Variants in P4HA3 observed in about 807,000 individuals in gnomAD.
P4HA3 encodes prolyl 4-hydroxylase subunit alpha 3.
In P4HA3, 60 loss-of-function variants were observed where a neutral mutation model predicts 66.7. The ratio of observed to expected loss-of-function variants is 0.90; its 90% CI spans 0.73 to 1.12. The LOEUF (loss-of-function observed/expected upper bound fraction) is 1.12. P4HA3 is among the 50% of genes most tolerant of loss of function. The pLI is 0.00. For synonymous variants in P4HA3, 263 were observed against 274.6 expected (o/e 0.96, Z 0.42); for missense variants, 683 against 685.8 (o/e 1.00, Z 0.05).
chr11:74,292,081 T>C (rs1457391860), intron 4 of P4HA3, among the ~76,000 whole-genome samples: 2 of 123,422 alleles, frequency 1.6e-5, no homozygotes, highest in East Asian at 2.3e-4. Context: ...GTCCTGGACT[T>C]TTTTTGGTTG....
Position 74,302,553 on chromosome 11 carries a change from G to A in P4HA3, c.383C>T (p.Pro128Leu), listed in dbSNP as rs1338730428. The stretch of plus-strand genomic sequence containing the variant: ...TGCTCCCTCAAGGTCCTCAAAGGCT[G>A]GAAGGTCTTGCTCCACCTTCTCATA... ...DGYEKVEQDL[P>L]AFEDLEGAAR... The change falls in exon 3 of 13, where the codon CCA (proline) becomes CTA (leucine). Residue 128 changes from proline (P) to leucine (L), a missense_variant. Coordinates refer to ENST00000331597, the MANE Select transcript of P4HA3 (RefSeq NM_182904.5). 1.9e-6 allele frequency: 3 copies of A among 1,614,076 alleles called. No individual in the cohort carries two copies. The highest frequency in any genetic ancestry group is 2.5e-6 in the Non-Finnish European group (3 of 1,180,042).
intron 3 of P4HA3, among the ~76,000 whole-genome samples, chr11:74,302,130 C>A (rs1384398330): frequency 6.6e-6 from 1 of 152,096 alleles, no homozygotes; most frequent in Non-Finnish European, 1.5e-5. Flanking sequence ...ATGGAAAGGG[C>A]CTGAGATTTG....
intron 10 of P4HA3, among the ~76,000 whole-genome samples, chr11:74,273,216 C>T (rs1042720190): frequency 6.6e-6 from 1 of 152,172 alleles, no homozygotes; most frequent in African/African-American, 2.4e-5. Context: ...CTCAAGGACA[C>T]AGATTCTCAG....
At chr11:74,295,742 C>T (rs531353336) in intron 4 of P4HA3, among the ~76,000 whole-genome samples, 33 of 152,254 alleles carry the variant, frequency 2.2e-4, no homozygotes, top group Admixed American at 2.0e-3. Context: ...AGAAGATAGG[C>T]CACAGAGAAC....
intron 9 of P4HA3, among the ~76,000 whole-genome samples, chr11:74,276,513 C>T (rs559504729): frequency 7.2e-5 from 11 of 152,150 alleles, no homozygotes; most frequent in African/African-American, 2.4e-4. Flanking sequence ...GATGGTGCCA[C>T]TACACTGCAG....
intron 1 of P4HA3, among the ~76,000 whole-genome samples, chr11:74,308,018 A>T (rs1276591262): frequency 2.0e-5 from 3 of 152,192 alleles, no homozygotes; most frequent in African/African-American, 7.2e-5. Flanking sequence ...TATATGTACC[A>T]TACTGGCATA....
At chr11:74,261,005 C>T (rs769113564) in intron 14 of P4HA3, among the ~76,000 whole-genome samples, 5 of 152,244 alleles carry the variant, frequency 3.3e-5, no homozygotes, top group Non-Finnish European at 7.3e-5. Flanking sequence ...CACGTGGCCA[C>T]AGACCTGCCT....
chr11:74,287,006 A>G, intron 5 of P4HA3: 1 of 804,886 alleles, frequency 1.2e-6, no homozygotes, highest in Non-Finnish European at 1.5e-6. Context: ...ACTGGCCTAG[A>G]CCCAGAGCAA....
intron 7 of P4HA3, among the ~76,000 whole-genome samples, chr11:74,280,983 C>T (rs1333298804): frequency 6.6e-6 from 1 of 151,994 alleles, no homozygotes; most frequent in Non-Finnish European, 1.5e-5. Context: ...ACTCATCTGA[C>T]AAAGGGCTAA....
intron 15 of P4HA3, chr11:74,251,187 G>A (rs778696385): frequency 6.9e-6 from 10 of 1,455,452 alleles, no homozygotes; most frequent in Non-Finnish European, 9.1e-6. Context: ...GCTGCTTATG[G>A]TATTGGTTTT....
intron 10 of P4HA3, among the ~76,000 whole-genome samples, chr11:74,270,312 C>T (rs1591089712): frequency 6.6e-6 from 1 of 152,156 alleles, no homozygotes; most frequent in East Asian, 1.9e-4. Context: ...CTACTTATTA[C>T]ACCTTTGGCA....
intron 9 of P4HA3, among the ~76,000 whole-genome samples, chr11:74,276,160 G>A (rs1417006962): frequency 1.3e-5 from 2 of 152,144 alleles, no homozygotes; most frequent in African/African-American, 2.4e-5. Flanking sequence ...AATGGGGGAG[G>A]GTGAAAGGGG....
In P4HA3 at chr11:74,311,486, C is replaced by A. The variant is rs1404106158; in HGVS notation, c.126G>T (p.Ala42=). ...SALTSVARAL[A]PERRLLGLLR... Reference sequence around the variant, plus strand: ...GCAGCCCCAGCAGCCGGCGCTCGGGCGCCAGGGCGCGCGCCACGCTGGTCA... The same window carrying A: ...GCAGCCCCAGCAGCCGGCGCTCGGGAGCCAGGGCGCGCGCCACGCTGGTCA... The change falls in exon 1 of 13, where the codon GCG becomes GCT. Residue 42 remains alanine, a synonymous_variant. Coordinates refer to ENST00000331597, the MANE Select transcript of P4HA3 (RefSeq NM_182904.5). 2.0e-6 allele frequency: 3 copies of A among 1,532,688 alleles called. No homozygotes were observed. The highest frequency in any genetic ancestry group is 2.6e-6 in the Non-Finnish European group (3 of 1,146,968). 94.9% of individuals were successfully genotyped at this position (1,532,688 alleles called of 1,614,324 possible).
intron 4 of P4HA3, among the ~76,000 whole-genome samples, chr11:74,294,431 CCTT>C (rs1861144438): frequency 6.6e-6 from 1 of 152,166 alleles, no homozygotes; most frequent in Admixed American, 6.5e-5. Flanking sequence ...TCGTCTGAAG[CCTT>C]CTTCTCTCAA....
In P4HA3 at chr11:74,304,371, G is replaced by C; in HGVS notation, c.242C>G (p.Thr81Ser). ...TGCAAGCAGAGGGTTAGCCACAGGG[G>C]TTGTTGAATCCTCATGCAAAGAAAG... ...KVLSLHEDST[T>S]PVANPLLAFT... Residue 81 changes from threonine (T) to serine (S), a missense_variant, in exon 2 of 13, where the codon ACC becomes AGC. By Grantham distance (58) the Thr-to-Ser change is moderately conservative. Transcript: ENST00000331597. 1 of 1,614,092 alleles carries C rather than the reference G, an allele frequency of 6.2e-7. No individual in the cohort carries two copies. The highest frequency in any genetic ancestry group is 8.5e-7 in the Non-Finnish European group (1 of 1,179,968).
chr11:74,269,050 C>A (rs1213832984), intron 11 of P4HA3, among the ~76,000 whole-genome samples: 2 of 152,188 alleles, frequency 1.3e-5, no homozygotes, highest in African/African-American at 4.8e-5. Flanking sequence ...CACTGTACTA[C>A]CTGCTTTACA....
chr11:74,277,409 C>T (rs1860438880), intron 8 of P4HA3, among the ~76,000 whole-genome samples: 1 of 152,174 alleles, frequency 6.6e-6, no homozygotes, highest in African/African-American at 2.4e-5. Flanking sequence ...AAAACCCCTG[C>T]CTTCAAAGCT....
At chr11:74,285,778 G>A (rs375362063) in intron 7 of P4HA3, 31 bp downstream of exon 7, 159 of 1,601,364 alleles carry the variant, frequency 9.9e-5, no homozygotes, top group Non-Finnish European at 1.3e-4. Flanking sequence ...AGATGAAAGA[G>A]AAATTCTTGG....
rs758196243 is a variant in P4HA3 at position 74,289,195 on chromosome 11, C to T, written c.718-65G>A. ...ACTGAGGATATCTCTTCTGAACAAACCATTAAATTAAAAAAAAAAAAAGAT... is the reference window on the plus strand; with the variant it reads ...ACTGAGGATATCTCTTCTGAACAAATCATTAAATTAAAAAAAAAAAAAGAT... On this transcript the variant is annotated intron_variant, in intron 4 of 12. Coordinates refer to ENST00000331597, the MANE Select transcript of P4HA3 (RefSeq NM_182904.5). 1.1e-3 allele frequency: 1,250 copies of T among 1,174,776 alleles called. 2 individuals are homozygous for T. The highest frequency in any genetic ancestry group is 1.2e-3 in the Non-Finnish European group (1,130 of 905,780). 72.8% of individuals were successfully genotyped at this position (1,174,776 alleles called of 1,614,324 possible).
Sources: allele counts gnomAD v4.1 joint callset (sites outside exome capture counted in the v4.1 genomes callset), GRCh38; gene constraint gnomAD v4.1.1; transcripts MANE v1.5; gene names NCBI Gene and HGNC (gene_info 2026-07-23, HGNC 2026-07-21).